Variants in SSBP3 observed in about 807,000 individuals in gnomAD.
SSBP3 encodes single stranded DNA binding protein 3.
SSBP3 carries 5 observed loss-of-function variants against 69.6 expected under a neutral mutation model. That is an observed-to-expected ratio of 0.07 (90% CI 0.04 to 0.15). The LOEUF is 0.15. SSBP3 is among the 10% of genes least tolerant of loss of function. SSBP3 has a pLI of 1.00. For missense variants in SSBP3, 312 were observed against 534.0 expected, an observed-to-expected ratio of 0.58 and a Z score of 4.10; for synonymous variants, 196 against 193.4, an observed-to-expected ratio of 1.01 and a Z score of -0.11.
At chr1:54,404,430 G>A in intron 3 of SSBP3, 146 bp downstream of exon 3, 1 of 892,260 alleles carries the variant, frequency 1.1e-6, no homozygotes, top group Non-Finnish European at 1.8e-6. Flanking sequence ...TGGCCAGCTG[G>A]GCCGGAGTGC....
intron 4 of SSBP3, among the ~76,000 whole-genome samples, chr1:54,339,767 G>T (rs1646573906): frequency 6.6e-6 from 1 of 152,120 alleles, no homozygotes; most frequent in Non-Finnish European, 1.5e-5. Context: ...ACAAAAATTA[G>T]CCGGGCATGT....
At chr1:54,269,863 G>A (rs1214795821) in intron 5 of SSBP3, among the ~76,000 whole-genome samples, 1 of 152,204 alleles carries the variant, frequency 6.6e-6, no homozygotes. Context: ...GGGCACCACT[G>A]GTAGGAAGAG....
At chr1:54,399,686 T>C (rs897607789) in intron 4 of SSBP3, among the ~76,000 whole-genome samples, 1 of 152,170 alleles carries the variant, frequency 6.6e-6, no homozygotes, top group African/African-American at 2.4e-5. Flanking sequence ...AAGAAGCTAC[T>C]GCAATCATTC....
chr1:54,247,210 C>A (rs760141622), intron 9 of SSBP3, among the ~76,000 whole-genome samples: 1 of 152,258 alleles, frequency 6.6e-6, no homozygotes. Context: ...TTCTAGGTGC[C>A]CACTGTTTAA....
At chr1:54,394,695 CT>C (rs544898836) in intron 4 of SSBP3, among the ~76,000 whole-genome samples, 3,847 of 97,198 alleles carry the variant, frequency 0.04, 30 homozygotes, top group African/African-American at 0.1. Flanking sequence ...CTTAAGACTC[CT>C]TTTTTTTTTT....
At chr1:54,308,889 G>A (rs1490652138) in intron 4 of SSBP3, among the ~76,000 whole-genome samples, 3 of 151,430 alleles carry the variant, frequency 2.0e-5, no homozygotes, top group Admixed American at 1.3e-4. Flanking sequence ...CTTCAAGTCA[G>A]TGACCCCACC....
At chr1:54,320,975 T>C (rs74071645) in intron 4 of SSBP3, among the ~76,000 whole-genome samples, 17,057 of 152,178 alleles carry the variant, frequency 0.11, 1,273 homozygotes, top group African/African-American at 0.21. Context: ...TGGAGCTCAG[T>C]TGCAAGGGGA....
intron 4 of SSBP3, among the ~76,000 whole-genome samples, chr1:54,287,780 G>T (rs1028874796): frequency 6.6e-6 from 1 of 152,182 alleles, no homozygotes; most frequent in Admixed American, 6.5e-5. Flanking sequence ...CAGAACTGGG[G>T]TTCAAAGAAG....
At chr1:54,266,624 T>A (rs1189777106) in intron 5 of SSBP3, among the ~76,000 whole-genome samples, 2 of 152,324 alleles carry the variant, frequency 1.3e-5, no homozygotes, top group East Asian at 3.9e-4. Context: ...AGTGCTACAC[T>A]TTGATTTTAA....
At chr1:54,322,674 A>G (rs185103897) in intron 4 of SSBP3, among the ~76,000 whole-genome samples, 2 of 151,902 alleles carry the variant, frequency 1.3e-5, no homozygotes, top group Non-Finnish European at 2.9e-5. Flanking sequence ...AAAAAAAAAA[A>G]GGGAATACCC....
intron 4 of SSBP3, among the ~76,000 whole-genome samples, chr1:54,306,790 T>G (rs1475702576): frequency 1.3e-5 from 2 of 151,970 alleles, no homozygotes; most frequent in Non-Finnish European, 2.9e-5. Context: ...TAGCGAGACC[T>G]GATCTCCACA....
chr1:54,298,353 G>A (rs972541508), intron 4 of SSBP3, among the ~76,000 whole-genome samples: 2 of 152,164 alleles, frequency 1.3e-5, no homozygotes, highest in Non-Finnish European at 2.9e-5. Flanking sequence ...CTGACGAGGG[G>A]GCAGCAGGAA....
At chr1:54,235,403 T>C (rs1390933864) in intron 14 of SSBP3, among the ~76,000 whole-genome samples, 2 of 147,408 alleles carry the variant, frequency 1.4e-5, no homozygotes, top group Non-Finnish European at 3.0e-5. Context: ...TGACTCAGCC[T>C]CCTGAGTAGC....
At chr1:54,282,440 C>G (rs953099008) in intron 4 of SSBP3, among the ~76,000 whole-genome samples, 6 of 152,192 alleles carry the variant, frequency 3.9e-5, no homozygotes, top group Non-Finnish European at 8.8e-5. Flanking sequence ...AGAGGGGCCT[C>G]GCGAAGTGGG....
intron 4 of SSBP3, among the ~76,000 whole-genome samples, chr1:54,339,105 G>C (rs1646561771): frequency 6.6e-6 from 1 of 151,972 alleles, no homozygotes; most frequent in South Asian, 2.1e-4. Flanking sequence ...AGCCTCCAAA[G>C]TATCCTGCCC....
intron 9 of SSBP3, among the ~76,000 whole-genome samples, chr1:54,250,519 A>G (rs1449936635): frequency 7.6e-6 from 1 of 131,858 alleles, no homozygotes; most frequent in Non-Finnish European, 1.6e-5. Context: ...TCCCTACAAA[A>G]GGGAGCACGT....
intron 4 of SSBP3, among the ~76,000 whole-genome samples, chr1:54,397,857 G>A (rs904547537): frequency 1.3e-5 from 2 of 152,266 alleles, no homozygotes; most frequent in East Asian, 1.9e-4. Context: ...GTTAAGAGCC[G>A]TTGCACCACA....
intron 4 of SSBP3, among the ~76,000 whole-genome samples, chr1:54,369,325 A>C (rs1647086759): frequency 6.7e-6 from 1 of 149,332 alleles, no homozygotes; most frequent in Admixed American, 6.6e-5. Flanking sequence ...GGGGGCACAA[A>C]CTGGGAGGCC....
chr1:54,401,530 A>G (rs907774090), intron 4 of SSBP3, among the ~76,000 whole-genome samples: 4 of 152,332 alleles, frequency 2.6e-5, no homozygotes, highest in East Asian at 3.9e-4. Flanking sequence ...TTAAACCAAC[A>G]CTAAAGAGGC....
Sources: gnomAD v4.1 joint callset for allele counts (sites outside exome capture counted in the v4.1 genomes callset) on GRCh38, gnomAD v4.1.1 for gene constraint, MANE v1.5 for transcripts, NCBI Gene and HGNC (gene_info 2026-07-23, HGNC 2026-07-21) for gene names.